PTPRT: variants seen among roughly 807,000 people sequenced by gnomAD.
PTPRT encodes receptor-type tyrosine-protein phosphatase T.
PTPRT carries 56 observed loss-of-function variants against 176.8 expected under a neutral mutation model. The observed-to-expected ratio is 0.32, with a 90% CI of 0.26 to 0.40. PTPRT has a LOEUF of 0.40. PTPRT is among the 10% of genes least tolerant of loss of function. PTPRT has a pLI of 1.00. For missense variants in PTPRT, 1,540 were observed against 1,908.2 expected, an observed-to-expected ratio of 0.81 and a Z score of 3.60; for synonymous variants, 783 against 739.0, an observed-to-expected ratio of 1.06 and a Z score of -0.96.
chr20:42,827,113 G>C (rs568761394), intron 2 of PTPRT, among the ~76,000 whole-genome samples: 1 of 152,192 alleles, frequency 6.6e-6, no homozygotes, highest in South Asian at 2.1e-4. Flanking sequence ...ATAATAGTGG[G>C]AGACTCCCCA....
intron 1 of PTPRT, among the ~76,000 whole-genome samples, chr20:43,147,452 TCCC>T (rs1027798463): frequency 4.0e-5 from 6 of 151,846 alleles, no homozygotes; most frequent in African/African-American, 1.5e-4. Context: ...TCATTCTACC[TCCC>T]CCATCAGACC....
At chr20:42,699,131 T>C (rs558320499) in intron 6 of PTPRT, among the ~76,000 whole-genome samples, 5 of 152,116 alleles carry the variant, frequency 3.3e-5, no homozygotes, top group Non-Finnish European at 7.4e-5. Context: ...GTGCATTACC[T>C]CTTACTCTAT....
At chr20:42,700,581 C>T (rs1010272290) in intron 6 of PTPRT, among the ~76,000 whole-genome samples, 4 of 152,136 alleles carry the variant, frequency 2.6e-5, no homozygotes, top group African/African-American at 9.7e-5. Context: ...GACTGTAAAA[C>T]AGTAGAATAA....
At chr20:42,452,177 G>C (rs906035659) in intron 8 of PTPRT, among the ~76,000 whole-genome samples, 1 of 151,762 alleles carries the variant, frequency 6.6e-6, no homozygotes, top group East Asian at 1.9e-4. Context: ...GCTGAGGCAG[G>C]AGAATTGCTT....
chr20:42,047,172 A>T, the PTPRT span, among the ~76,000 whole-genome samples: 44 of 152,344 alleles, frequency 2.9e-4, 1 homozygote, highest in Admixed American at 1.2e-3. Context: ...CAATCAGACC[A>T]GAAGTGGGAC....
chr20:42,396,388 A>G (rs2058849494), intron 9 of PTPRT, among the ~76,000 whole-genome samples: 1 of 152,170 alleles, frequency 6.6e-6, no homozygotes, highest in South Asian at 2.1e-4. Flanking sequence ...ATGCCTGCTC[A>G]GCAGCCTCTC....
rs1465267393 is a variant in PTPRT, at chr20:42,250,448, T to C, written c.2177-1626A>G. 2.0e-5 allele frequency among the ~76,000 whole-genome samples: 3 copies of C among 152,222 alleles called. No homozygotes were observed. The East Asian group carries it at 5.8e-4, about 29-fold the overall frequency. On this transcript the variant is annotated intron_variant, in intron 13 of 30. Transcript: ENST00000373187. ...ACTACCCAAAAGCTATGGTCCTGAT[T>C]CCCAAAATGCACTGATGTTTAAGCC...
intron 9 of PTPRT, among the ~76,000 whole-genome samples, chr20:42,381,867 A>C (rs887240004): frequency 8.5e-5 from 13 of 152,194 alleles, no homozygotes; most frequent in Non-Finnish European, 1.3e-4. Flanking sequence ...CACAAACTCC[A>C]TGCCTTTTTT....
chr20:42,083,800 T>C (rs1983601537), intron 29 of PTPRT, among the ~76,000 whole-genome samples: 1 of 152,210 alleles, frequency 6.6e-6, no homozygotes. Context: ...CCTCAAATCG[T>C]TGAAGTTCTA....
intron 15 of PTPRT, among the ~76,000 whole-genome samples, chr20:42,213,823 T>C (rs2055704580): frequency 6.6e-6 from 1 of 152,118 alleles, no homozygotes; most frequent in Non-Finnish European, 1.5e-5. Context: ...TCCAACACCT[T>C]GATTTTGGAT....
chr20:42,537,097 A>C (rs538841145), intron 7 of PTPRT, among the ~76,000 whole-genome samples: 285 of 152,192 alleles, frequency 1.9e-3, no homozygotes, highest in Non-Finnish European at 3.0e-3. Context: ...GAAAAAAAAA[A>C]CCCTAAGTTT....
Position 42,650,871 on chromosome 20 carries a change from T to G in PTPRT, c.1153+26995A>C, listed in dbSNP as rs185059798. Among the ~76,000 whole-genome samples the G allele has an allele frequency of 1.4e-3, 219 of 152,250 alleles. 1 individual carries two copies. Among genetic ancestry groups the G allele is most frequent in the Non-Finnish European group, 2.8e-3 (188 of 68,022 alleles). On this transcript the variant is annotated intron_variant, in intron 7 of 30. Transcript: ENST00000373187. ...CAACGGCCAGGCAAATGCAATTGGA[T>G]CTTATGTGTTCACAGTGAGAAAAGA...
At chr20:42,405,350 A>C (rs890959281) in intron 9 of PTPRT, among the ~76,000 whole-genome samples, 3 of 151,220 alleles carry the variant, frequency 2.0e-5, no homozygotes, top group East Asian at 1.9e-4. Context: ...CAATTTCCCC[A>C]CCCCACAACA....
At chr20:43,121,752 A>T (rs2013269597) in intron 1 of PTPRT, among the ~76,000 whole-genome samples, 1 of 152,196 alleles carries the variant, frequency 6.6e-6, no homozygotes, top group Admixed American at 6.5e-5. Flanking sequence ...AAAATATTTT[A>T]AATTTGTCTT....
At chr20:43,081,979 T>C (rs1186029857) in intron 1 of PTPRT, among the ~76,000 whole-genome samples, 2 of 152,234 alleles carry the variant, frequency 1.3e-5, no homozygotes, top group Non-Finnish European at 2.9e-5. Context: ...TCCTGGAATA[T>C]TGTGGTATTG....
intron 7 of PTPRT, among the ~76,000 whole-genome samples, chr20:42,573,836 C>T (rs111712860): frequency 0.03 from 4,447 of 150,658 alleles, 236 homozygotes; most frequent in African/African-American, 0.1. Context: ...GCATGCTCCG[C>T]CCCTCCAGGT....
At chr20:42,665,746 T>C (rs1600574252) in intron 7 of PTPRT, among the ~76,000 whole-genome samples, 1 of 152,062 alleles carries the variant, frequency 6.6e-6, no homozygotes, top group Non-Finnish European at 1.5e-5. Flanking sequence ...ATATACACCA[T>C]GGAATACTAT....
intron 9 of PTPRT, among the ~76,000 whole-genome samples, chr20:42,404,959 G>A (rs1238397028): frequency 2.8e-5 from 1 of 35,882 alleles, no homozygotes; most frequent in East Asian, 5.7e-4. Context: ...CATGTGAATA[G>A]AGGGCCAATT....
intron 1 of PTPRT, among the ~76,000 whole-genome samples, chr20:43,069,415 T>C (rs1268307286): frequency 6.6e-6 from 1 of 152,210 alleles, no homozygotes; most frequent in East Asian, 1.9e-4. Flanking sequence ...AATGATGACA[T>C]TCAGAGTATA....
Sources: gnomAD v4.1 joint callset for allele counts (sites outside exome capture counted in the v4.1 genomes callset) on GRCh38, gnomAD v4.1.1 for gene constraint, MANE v1.5 for transcripts, NCBI Gene and HGNC (gene_info 2026-07-23, HGNC 2026-07-21) for gene names.